Variants in WDFY4 observed in about 807,000 individuals in gnomAD.
The protein encoded by WDFY4 is WD repeat- and FYVE domain-containing protein 4.
WDFY4 carries 169 observed loss-of-function variants against 351.9 expected under a neutral mutation model. The observed-to-expected ratio is 0.48, with a 90% CI of 0.42 to 0.55. The LOEUF (loss-of-function observed/expected upper bound fraction) is 0.55, where lower values mean the gene tolerates loss of function less well. Ranked by LOEUF, WDFY4 falls within the 20% of genes least tolerant of loss-of-function variation. WDFY4 has a pLI of 0.00. For synonymous variants in WDFY4, 1,622 were observed against 1,574.6 expected (o/e 1.03, Z -0.71); for missense variants, 3,803 against 3,935.6 (o/e 0.97, Z 0.90).
intron 44 of WDFY4, among the ~76,000 whole-genome samples, chr10:48,893,323 G>T (rs544482605): frequency 6.6e-6 from 1 of 152,250 alleles, no homozygotes; most frequent in South Asian, 2.1e-4. Context: ...TAAATATCCT[G>T]TTTTCAAATA....
intron 19 of WDFY4, 67 bp downstream of exon 19, chr10:48,780,186 C>T: frequency 1.3e-6 from 2 of 1,502,218 alleles, no homozygotes; most frequent in African/African-American, 1.4e-5. Context: ...CTGAAGTGGC[C>T]TCGGTTTCAT....
rs1303378962 is a variant in WDFY4, at chr10:48,810,513, C to T, written c.4839-17C>T. 1.3e-6 allele frequency: 2 copies of T among 1,546,396 alleles called. No homozygotes were observed. Among genetic ancestry groups the T allele is most frequent in the Admixed American group, 2.0e-5 (1 of 49,796 alleles). ...TCATGGACTGAGAGAACATTGGTTG[C>T]ATTTATTAATCCCCAGGTCAAAGGA... On this transcript the variant is annotated splice_polypyrimidine_tract_variant and intron_variant, in intron 28 of 61. Coordinates refer to ENST00000325239, the MANE Select transcript of WDFY4 (RefSeq NM_001394531.1).
At chr10:48,708,712 C>G (rs1286511481) in intron 1 of WDFY4, among the ~76,000 whole-genome samples, 1 of 152,190 alleles carries the variant, frequency 6.6e-6, no homozygotes, top group Non-Finnish European at 1.5e-5. Flanking sequence ...CTTGTGCCTA[C>G]TGGCTTGAGG....
chr10:48,814,101 A>C lies in WDFY4; in HGVS notation c.5340+19A>C, dbSNP rs1263551093. On this transcript the variant is annotated intron_variant, in intron 31 of 61. Coordinates refer to ENST00000325239, the MANE Select transcript of WDFY4 (RefSeq NM_001394531.1). ...GAGCCAGGTGAGACCCATTCCCCAC[A>C]TGCTGCCCCGAGGAGGTTCTGATGG... 3 of 1,526,216 alleles carry C rather than the reference A, an allele frequency of 2.0e-6. No homozygotes were observed. Among genetic ancestry groups the C allele is most frequent in the Non-Finnish European group, 2.6e-6 (3 of 1,132,820 alleles). The allele number at this position is 1,526,216 out of a possible 1,614,324, so 94.5% of individuals were successfully genotyped here. A position where few individuals can be genotyped will look rare whatever the true frequency, so the allele number is the denominator to read the frequency against.
At chr10:48,843,094 A>C (rs2068663896) in intron 39 of WDFY4, among the ~76,000 whole-genome samples, 1 of 152,254 alleles carries the variant, frequency 6.6e-6, no homozygotes, top group Admixed American at 6.5e-5. Flanking sequence ...TTAAAGGTGC[A>C]TTGTATCTAA....
chr10:48,869,719 T>A (rs1434456496), intron 40 of WDFY4, among the ~76,000 whole-genome samples: 2 of 152,210 alleles, frequency 1.3e-5, no homozygotes, highest in African/African-American at 4.8e-5. Context: ...ATCTTCATTA[T>A]AATTTGCAGA....
intron 5 of WDFY4, 34 bp downstream of exon 5, chr10:48,723,601 C>T: frequency 6.4e-7 from 1 of 1,550,522 alleles, no homozygotes; most frequent in South Asian, 1.2e-5. Flanking sequence ...TTCCCTGGGT[C>T]AAAACCTCAC....
chr10:48,933,833 T>G (rs1840182436), intron 47 of WDFY4, among the ~76,000 whole-genome samples: 1 of 152,094 alleles, frequency 6.6e-6, no homozygotes, highest in South Asian at 2.1e-4. Context: ...ATCATCTAGC[T>G]TTCACTCTCT....
chr10:48,816,392 G>T (rs1266467582), intron 31 of WDFY4, among the ~76,000 whole-genome samples: 1 of 152,192 alleles, frequency 6.6e-6, no homozygotes, highest in Non-Finnish European at 1.5e-5. Flanking sequence ...TGTGACTGTA[G>T]TGTTAAAGCT....
chr10:48,802,597 C>A, intron 24 of WDFY4: 4 of 419,350 alleles, frequency 9.5e-6, no homozygotes, highest in Middle Eastern at 6.3e-4. Context: ...GACATGATGG[C>A]ATCCATCAAT....
chr10:48,740,830 C>T (rs1304972899), intron 11 of WDFY4, among the ~76,000 whole-genome samples: 1 of 152,142 alleles, frequency 6.6e-6, no homozygotes. Flanking sequence ...CAATTCAATT[C>T]CCTGCAGTGT....
chr10:48,824,316 A>G (rs2067925444), intron 35 of WDFY4: 2 of 401,760 alleles, frequency 5.0e-6, no homozygotes, highest in Admixed American at 6.4e-5. Context: ...AACAGGCAAT[A>G]TATGCAAATC....
At position 48,720,135 on chromosome 10, in the gene WDFY4, T is replaced by C. The variant is rs113604914; in HGVS notation, c.349+10T>C. On this transcript the variant is annotated intron_variant, in intron 3 of 61. Coordinates refer to ENST00000325239, the MANE Select transcript of WDFY4 (RefSeq NM_001394531.1). ...GTGGGGAAGCCTGCGGGTAAGAGCA[T>C]GGAGGTGCTGGCAGACCCTCTACAG... 2.5e-4 allele frequency: 384 copies of C among 1,551,150 alleles called. 1 individual carries two copies. In the African/African-American group the frequency reaches 4.9e-3, roughly 20 times the overall value.
Position 48,875,083 on chromosome 10 carries a change from T to C in WDFY4, c.6949-6T>C, listed in dbSNP as rs1425894343. Reference sequence around the variant, plus strand: ...TTAATTTTTCTTTTCAATGTCCTTATTTCAGGAAAGCCAAGACAAAAATGA... The same window carrying C: ...TTAATTTTTCTTTTCAATGTCCTTACTTCAGGAAAGCCAAGACAAAAATGA... On this transcript the variant is annotated splice_polypyrimidine_tract_variant and splice_region_variant and intron_variant, in intron 41 of 61. Transcript: ENST00000325239. The C allele has an allele frequency of 6.8e-7, 1 of 1,481,466 alleles. No individual in the cohort carries two copies. Among genetic ancestry groups the C allele is most frequent in the East Asian group, 2.7e-5 (1 of 37,222 alleles). The allele number at this position is 1,481,466 out of a possible 1,614,324, so 91.8% of individuals were successfully genotyped here. A position where few individuals can be genotyped will look rare whatever the true frequency, so the allele number is the denominator to read the frequency against.
chr10:48,724,538 G>A (rs1327459376), intron 5 of WDFY4, among the ~76,000 whole-genome samples: 2 of 152,156 alleles, frequency 1.3e-5, no homozygotes, highest in Non-Finnish European at 2.9e-5. Flanking sequence ...AATGTTTACT[G>A]TGTGGCTTTT....
At chr10:48,865,561 A>G (rs1343975058) in intron 39 of WDFY4, among the ~76,000 whole-genome samples, 1 of 152,150 alleles carries the variant, frequency 6.6e-6, no homozygotes, top group Non-Finnish European at 1.5e-5. Context: ...GTGTCAGGGT[A>G]ATAACTGGTC....
intron 28 of WDFY4, 72 bp from the exon 29 acceptor site, chr10:48,810,458 C>T: frequency 1.4e-6 from 2 of 1,418,042 alleles, no homozygotes; most frequent in South Asian, 1.4e-5. Flanking sequence ...TAAGGCTGGA[C>T]ATTTCATATT....
intron 47 of WDFY4, chr10:48,910,343 C>T: frequency 1.7e-6 from 2 of 1,200,822 alleles, no homozygotes; most frequent in Non-Finnish European, 2.5e-6. Flanking sequence ...CACCAGCTCA[C>T]CAAGGTCATG....
At chr10:48,863,661 A>G (rs2069425228) in intron 39 of WDFY4, among the ~76,000 whole-genome samples, 1 of 151,828 alleles carries the variant, frequency 6.6e-6, no homozygotes, top group African/African-American at 2.4e-5. Context: ...TTTACTTTCT[A>G]ATAGTGTCTT....
Sources: allele counts gnomAD v4.1 joint callset (sites outside exome capture counted in the v4.1 genomes callset), GRCh38; gene constraint gnomAD v4.1.1; transcripts MANE v1.5; gene names NCBI Gene and HGNC (gene_info 2026-07-23, HGNC 2026-07-21).